Variants in ADGRF1 observed in about 807,000 individuals in gnomAD.
ADGRF1 encodes the protein adhesion G protein-coupled receptor F1, also known as G protein-coupled receptor 110.
In ADGRF1, 85 loss-of-function variants were observed where a neutral mutation model predicts 87.2. That is an observed-to-expected ratio of 0.97 (90% CI 0.82 to 1.17). The LOEUF is 1.17. Ranked by LOEUF, ADGRF1 falls within the 50% of genes most tolerant of loss-of-function variation. The probability of loss-of-function intolerance (pLI) is 0.00; values close to 1 mark genes in which losing one functional copy is unlikely to be tolerated. For missense variants in ADGRF1, 1,169 were observed against 1,077.2 expected (o/e 1.09, Z -1.19); for synonymous variants, 430 against 408.8 (o/e 1.05, Z -0.63).
At chr6:47,010,383 A>T in intron 10 of ADGRF1, 65 bp from the exon 11 acceptor site, 2 of 1,317,796 alleles carry the variant, frequency 1.5e-6, no homozygotes, top group Non-Finnish European at 2.1e-6. Flanking sequence ...CCAGCAGTGG[A>T]TAGTCATTAG....
Position 47,012,032 on chromosome 6 carries a change from A to T in ADGRF1, c.1091T>A (p.Phe364Tyr). The T allele has an allele frequency of 6.2e-7, 1 of 1,613,950 alleles. No individual in the cohort carries two copies. The highest frequency in any genetic ancestry group is 8.5e-7 in the Non-Finnish European group (1 of 1,179,878). The change falls in exon 10 of 15, where the codon TTC becomes TAC. Residue 364 changes from phenylalanine (F) to tyrosine (Y), a missense_variant. Physicochemically the swap from Phe to Tyr is conservative, Grantham distance 22 (BLOSUM62 3). Coordinates refer to ENST00000371253, the MANE Select transcript of ADGRF1 (RefSeq NM_153840.4). Reference sequence around the variant, plus strand: ...CTCCATTGTTGAATTGGACACCCTGAAATGGCTGGCCAGTGACAGAGATGA... The same window carrying T: ...CTCCATTGTTGAATTGGACACCCTGTAATGGCTGGCCAGTGACAGAGATGA... ...NISSLSLASH[F>Y]RVSNSTMEDV...
At position 47,038,817 on chromosome 6, in the gene ADGRF1, C is replaced by T. The variant is rs114800476; in HGVS notation, c.-44+3374G>A. Among the ~76,000 whole-genome samples, 1,206 of 152,280 alleles carry T rather than the reference C, an allele frequency of 7.9e-3. 16 individuals carry two copies. The highest frequency in any genetic ancestry group is 0.028 in the African/African-American group (1,159 of 41,550). On this transcript the variant is annotated intron_variant, in intron 1 of 14. Transcript: ENST00000371253. ...GCTTAATTGATACCTTGTTCAACAA[C>T]GTAAAAGACTATGATATGCCTAAGA...
At chr6:47,018,410 T>C in intron 7 of ADGRF1, 4 of 1,280,506 alleles carry the variant, frequency 3.1e-6, no homozygotes, top group Non-Finnish European at 4.1e-6. Context: ...AAATTCTTAC[T>C]ACATTGAACT....
intron 1 of ADGRF1, among the ~76,000 whole-genome samples, chr6:47,038,503 T>G (rs1389212878): frequency 6.6e-6 from 1 of 152,204 alleles, no homozygotes; most frequent in Non-Finnish European, 1.5e-5. Flanking sequence ...GAGTACCTAG[T>G]GATGTTTTGA....
chr6:47,030,973 G>A (rs1313501413), intron 1 of ADGRF1, among the ~76,000 whole-genome samples: 1 of 152,116 alleles, frequency 6.6e-6, no homozygotes, highest in Non-Finnish European at 1.5e-5. Flanking sequence ...ATGTTGGTCA[G>A]GCTGGTCTCA....
At chr6:47,019,466 G>A (rs531243066) in intron 7 of ADGRF1, 112 of 599,726 alleles carry the variant, frequency 1.9e-4, no homozygotes, top group Admixed American at 4.4e-4. Flanking sequence ...GGCGGATCAC[G>A]AGGTCAGGAG....
chr6:47,038,391 A>G (rs890337896), intron 1 of ADGRF1, among the ~76,000 whole-genome samples: 6 of 152,190 alleles, frequency 3.9e-5, no homozygotes, highest in South Asian at 2.1e-4. Context: ...ATTTTTCCCA[A>G]TGAAACAGTT....
At chr6:47,030,576 ATGTGTGTGTG>A (rs3030596) in intron 1 of ADGRF1, among the ~76,000 whole-genome samples, 69 of 138,564 alleles carry the variant, frequency 5.0e-4, no homozygotes, top group African/African-American at 1.1e-3. Flanking sequence ...TAACATGAAT[ATGTGTGTGTG>A]TGTGTGTGTG....
intron 7 of ADGRF1, chr6:47,018,535 G>T (rs1245070718): frequency 7.8e-7 from 1 of 1,289,696 alleles, no homozygotes; most frequent in East Asian, 5.6e-5. Context: ...GCTTGTTATA[G>T]GTTTGATTTA....
chr6:47,004,178 G>A (rs1356687011), intron 13 of ADGRF1, among the ~76,000 whole-genome samples: 1 of 152,094 alleles, frequency 6.6e-6, no homozygotes, highest in Admixed American at 6.6e-5. Context: ...CGCTGATTTT[G>A]CTCACCAGCG....
At chr6:47,016,577 ACT>A (rs1779885171) in intron 8 of ADGRF1, 38 bp downstream of exon 8, 9 of 1,476,420 alleles carry the variant, frequency 6.1e-6, no homozygotes, top group Non-Finnish European at 6.4e-6. Flanking sequence ...TAATTAAAGG[ACT>A]CTCTTAACCT....
intron 7 of ADGRF1, chr6:47,019,433 C>T: frequency 1.1e-6 from 1 of 942,528 alleles, no homozygotes; most frequent in Non-Finnish European, 1.3e-6. Flanking sequence ...CCTGTAATCC[C>T]AGCACTTTGG....
At chr6:47,023,356 G>T (rs1048987766) in intron 5 of ADGRF1, among the ~76,000 whole-genome samples, 7 of 152,118 alleles carry the variant, frequency 4.6e-5, no homozygotes, top group South Asian at 2.1e-4. Flanking sequence ...AATTAAGCTG[G>T]GCTATTTCAG....
intron 9 of ADGRF1, 195 bp from the exon 10 acceptor site, chr6:47,012,390 G>C: frequency 1.0e-6 from 1 of 954,972 alleles, no homozygotes; most frequent in Non-Finnish European, 1.4e-6. Flanking sequence ...TGCTTTACCA[G>C]GGATTCATTG....
chr6:47,010,543 C>A (rs1475852481), intron 10 of ADGRF1, among the ~76,000 whole-genome samples: 2 of 152,172 alleles, frequency 1.3e-5, no homozygotes, highest in African/African-American at 4.8e-5. Context: ...AGGGTGATCA[C>A]CCCAGAGCAT....
chr6:47,024,149 A>C lies in ADGRF1; in HGVS notation c.346T>G (p.Cys116Gly). The C allele has an allele frequency of 6.2e-7, 1 of 1,614,074 alleles. No individual in the cohort carries two copies. The highest frequency in any genetic ancestry group is 1.3e-5 in the African/African-American group (1 of 75,052). The change falls in exon 5 of 15, where the codon TGC becomes GGC. Residue 116 changes from cysteine to glycine, a missense_variant. Cys to Gly is a radical substitution (Grantham distance 159). Coordinates refer to ENST00000371253, the MANE Select transcript of ADGRF1 (RefSeq NM_153840.4). Reference sequence around the variant, plus strand: ...AGGTAGCAGTTCTGGGGATCAAGGCATGAGGGAGGAAACCAGGTGTAGCTG... The same window carrying C: ...AGGTAGCAGTTCTGGGGATCAAGGCCTGAGGGAGGAAACCAGGTGTAGCTG... ...EDSYTWFPPS[C>G]LDPQNCYLHT...
intron 6 of ADGRF1, 44 bp downstream of exon 6, chr6:47,021,914 A>G (rs779835497): frequency 1.2e-5 from 12 of 1,016,462 alleles, no homozygotes; most frequent in East Asian, 9.7e-5. Context: ...TTTGAACTTG[A>G]GTGTAGCAAA....
At chr6:47,027,612 A>G (rs1684312629) in intron 3 of ADGRF1, 92 bp downstream of exon 3, 1 of 780,252 alleles carries the variant, frequency 1.3e-6, no homozygotes, top group African/African-American at 1.7e-5. Context: ...TGTGCCTAGG[A>G]TCATACAACC....
rs996818568 is a variant in ADGRF1, at chr6:46,998,242, G to C, written c.*1980C>G. ...TAGTAATTGTGTGTAATAAGAGAGG[G>C]AGCATTCAAGAACTCCCATAGAAAT... is the stretch of plus-strand genomic sequence containing the variant. On this transcript the variant is annotated 3_prime_UTR_variant, in exon 15 of 15. Coordinates refer to ENST00000371253, the MANE Select transcript of ADGRF1 (RefSeq NM_153840.4). The C allele has an allele frequency of 1.2e-4, 18 of 152,270 alleles. No homozygotes were observed. Among genetic ancestry groups the C allele is most frequent in the African/African-American group, 3.9e-4 (16 of 41,558 alleles). The allele number at this position is 152,270 out of a possible 1,614,324, so 9.4% of individuals were successfully genotyped here. A position where few individuals can be genotyped will look rare whatever the true frequency, so the allele number is the denominator to read the frequency against.
Sources: gnomAD v4.1 joint callset for allele counts (sites outside exome capture counted in the v4.1 genomes callset) on GRCh38, gnomAD v4.1.1 for gene constraint, MANE v1.5 for transcripts, NCBI Gene and HGNC (gene_info 2026-07-23, HGNC 2026-07-21) for gene names.